The following NUMBL variants were observed in gnomAD, a reference collection of about 807,000 sequenced individuals.
NUMBL encodes numb-like protein.
NUMBL carries 20 observed loss-of-function variants against 48.9 expected under a neutral mutation model. The ratio of observed to expected loss-of-function variants is 0.41; its 90% CI spans 0.29 to 0.59. The LOEUF is 0.59. Among genes scored for constraint, NUMBL ranks in the 20% least tolerant of loss-of-function variants. NUMBL has a pLI of 0.31. For missense variants in NUMBL, 660 were observed against 846.2 expected (o/e 0.78, Z 2.73); for synonymous variants, 340 against 348.7 (o/e 0.98, Z 0.28).
rs761694373 is a variant in NUMBL, at chr19:40,684,401, TGCCGCGCCCA to T, written c.249+6_249+15del. On this transcript the variant is annotated splice_donor_region_variant and intron_variant, in intron 3 of 9. Transcript: ENST00000252891. ...CCGTCCCCCTCGCCCCGCCGCACCCTGCCGCGCCCACTCACCCTGACCGGGAAGCTGCACG... is the reference window on the plus strand; with the variant it reads ...CCGTCCCCCTCGCCCCGCCGCACCCTCTCACCCTGACCGGGAAGCTGCACG... The T allele has an allele frequency of 6.5e-7, 1 of 1,548,552 alleles. No homozygotes were observed.
rs374100923 is a variant in NUMBL, at chr19:40,673,315, C to T, written c.1036+29G>A. ...ATCAGATAGTGCCAATTGATTCCAA[C>T]GCCGTTTCCCACTGGGCCCAGGGCT... On this transcript the variant is annotated intron_variant, in intron 8 of 9. Coordinates refer to ENST00000252891, the MANE Select transcript of NUMBL (RefSeq NM_004756.5). The surrounding 1 kb of genome is among the most constrained non-coding windows in gnomAD (Gnocchi z 5.9). 73 of 1,574,224 alleles carry T rather than the reference C, an allele frequency of 4.6e-5. 1 individual carries two copies. Among genetic ancestry groups the T allele is most frequent in the African/African-American group, 3.9e-4 (29 of 73,832 alleles).
chr19:40,677,749 G>C (rs1374210353), intron 6 of NUMBL, among the ~76,000 whole-genome samples: 1 of 152,156 alleles, frequency 6.6e-6, no homozygotes, highest in African/African-American at 2.4e-5. Flanking sequence ...TTGGGAGGCT[G>C]AGGCGGGAGG....
rs1239339290 is a variant in NUMBL, at chr19:40,687,751, C to T, written c.25-756G>A. 6.6e-6 allele frequency among the ~76,000 whole-genome samples: 1 copy of T among 152,220 alleles called. No homozygotes were observed. Among genetic ancestry groups the T allele is most frequent in the East Asian group, 1.9e-4 (1 of 5,202 alleles). On this transcript the variant is annotated intron_variant, in intron 1 of 9. Transcript: ENST00000252891. The surrounding 1 kb of genome is among the most constrained non-coding windows in gnomAD (Gnocchi z 4.6). ...GAGTTCACCCATTTGCTGACCCAGT[C>T]CCACACGACACAATCGCAGCTATAT...
rs1349056670 is a variant in NUMBL at position 40,677,336 on chromosome 19, G to A, written c.626C>T (p.Thr209Met). 2 of 1,612,136 alleles carry A rather than the reference G, an allele frequency of 1.2e-6. No homozygotes were observed. Among genetic ancestry groups the A allele is most frequent in the Non-Finnish European group, 1.7e-6 (2 of 1,179,910 alleles). The part of the protein sequence containing the change: ...KQRREKECGV[T>M]AAFDASRTSF... ...GGTGCGGCTGGCATCGAAGGCGGCC[G>A]TGACCCCACATTCCTTCTCCCGTCG... is the stretch of plus-strand genomic sequence containing the variant. The change falls in exon 7 of 10, where the codon ACG (threonine) becomes ATG (methionine). Residue 209 changes from threonine to methionine, a missense_variant. By Grantham distance (81) the Thr-to-Met change is moderately conservative. This residue lies in a region of NUMBL where 278 missense variants were observed against 420.6 expected (regional missense o/e 0.66). Coordinates refer to ENST00000252891, the MANE Select transcript of NUMBL (RefSeq NM_004756.5).
At chr19:40,680,678 A>G (rs1163130590) in intron 6 of NUMBL, among the ~76,000 whole-genome samples, 5 of 152,212 alleles carry the variant, frequency 3.3e-5, no homozygotes, top group South Asian at 2.1e-4. Context: ...TGAACTCCTG[A>G]GCTCAGGCAA....
chr19:40,668,177 G>A lies in NUMBL; in HGVS notation c.1160-39C>T, dbSNP rs1046084481. The A allele has an allele frequency of 5.2e-6, 8 of 1,537,132 alleles. No homozygotes were observed. In the African/African-American group the frequency reaches 8.2e-5, roughly 16 times the overall value. The stretch of plus-strand genomic sequence containing the variant: ...AGGGACAGGTGAGGGAGGGGGCAAC[G>A]GCTTCAGCAGAAGAACCCCAGGCTG... On this transcript the variant is annotated intron_variant, in intron 9 of 9. Transcript: ENST00000252891.
Position 40,690,475 on chromosome 19 carries a change from G to A in NUMBL, c.9C>T (p.Arg3=). MS[R]SAAASGGPRR... is the part of the protein sequence containing the mutation. ...CCCTTCTCACGCTGGCCGCCGCGCT[G>A]CGGGACATCCAGGGCCCGGGCGCCC... The change falls in exon 1 of 10, where the codon CGC becomes CGT. Residue 3 remains arginine, a synonymous_variant. Coordinates refer to ENST00000252891, the MANE Select transcript of NUMBL (RefSeq NM_004756.5). 1 of 1,307,848 alleles carries A rather than the reference G, an allele frequency of 7.6e-7. No homozygotes were observed. Among genetic ancestry groups the A allele is most frequent in the Non-Finnish European group, 9.8e-7 (1 of 1,025,042 alleles). 81.0% of individuals were successfully genotyped at this position (1,307,848 alleles called of 1,614,324 possible).
Position 40,690,640 on chromosome 19 carries a change from C to A in NUMBL, c.-157G>T. 2.6e-6 allele frequency: 1 copy of A among 378,648 alleles called. No homozygotes were observed. 23.5% of individuals were successfully genotyped at this position (378,648 alleles called of 1,614,324 possible). A position where few individuals can be genotyped will look rare whatever the true frequency, so the allele number is the denominator to read the frequency against. ...TGCACGCGCGCGAGCCTCCTCGGCT[C>A]CCGGGAGGATTCCGTTCCGGGGGCG... On this transcript the variant is annotated 5_prime_UTR_variant, in exon 1 of 10. Transcript: ENST00000252891.
intron 2 of NUMBL, 33 bp from the exon 3 acceptor site, chr19:40,684,589 G>C (rs148629984): frequency 7.0e-6 from 11 of 1,577,320 alleles, no homozygotes; most frequent in Non-Finnish European, 8.6e-6. Flanking sequence ...TGGGTCAAGG[G>C]TGGGGGTCAG....
At chr19:40,685,607 T>G (rs1236481628) in intron 2 of NUMBL, 1 of 153,838 alleles carries the variant, frequency 6.5e-6, no homozygotes, top group East Asian at 1.9e-4. Flanking sequence ...AGAGTGCCGT[T>G]GTTGTCTATG....
rs142112217 is a variant in NUMBL, at chr19:40,672,601, C to G, written c.1036+743G>C. 6.4e-3 allele frequency among the ~76,000 whole-genome samples: 968 copies of G among 152,310 alleles called. 10 individuals carry two copies. Among genetic ancestry groups the G allele is most frequent in the African/African-American group, 0.02 (816 of 41,558 alleles). ...TACTGACCAAATTCTGGGAGTCTCC[C>G]CTTTGGGTAAAAACATAACACTCTT... is the stretch of plus-strand genomic sequence containing the variant. On this transcript the variant is annotated intron_variant, in intron 8 of 9. Coordinates refer to ENST00000252891, the MANE Select transcript of NUMBL (RefSeq NM_004756.5).
chr19:40,668,252 C>T (rs2081827476), intron 9 of NUMBL, 114 bp from the exon 10 acceptor site: 1 of 1,445,336 alleles, frequency 6.9e-7, no homozygotes, highest in Non-Finnish European at 9.1e-7. Flanking sequence ...AGCCAGACCG[C>T]CTGCCTCTGA....
At chr19:40,680,167 T>C (rs1417227179) in intron 6 of NUMBL, among the ~76,000 whole-genome samples, 1 of 151,366 alleles carries the variant, frequency 6.6e-6, no homozygotes, top group Non-Finnish European at 1.5e-5. Flanking sequence ...AGTCTCGCTC[T>C]GTCACCCAGG....
intron 7 of NUMBL, among the ~76,000 whole-genome samples, chr19:40,676,572 G>A (rs1478917197): frequency 6.6e-6 from 1 of 150,964 alleles, no homozygotes; most frequent in Non-Finnish European, 1.5e-5. Flanking sequence ...AGCCATGCCT[G>A]TAATCCTAAC....
rs1215222064 is a variant in NUMBL, at chr19:40,687,770, G to A, written c.25-775C>T. On this transcript the variant is annotated intron_variant, in intron 1 of 9. Coordinates refer to ENST00000252891, the MANE Select transcript of NUMBL (RefSeq NM_004756.5). This position sits in a 1 kb window ranked among gnomAD's most constrained non-coding sequence, Gnocchi z 4.6. ...CCCAGTCCCACACGACACAATCGCA[G>A]CTATATACACTTGTTACACGTATCT... Among the ~76,000 whole-genome samples the A allele has an allele frequency of 6.6e-6, 1 of 152,134 alleles. No homozygotes were observed. Among genetic ancestry groups the A allele is most frequent in the Non-Finnish European group, 1.5e-5 (1 of 68,026 alleles).
chr19:40,690,464 G>A lies in NUMBL; in HGVS notation c.20C>T (p.Ala7Val). 7.7e-7 allele frequency: 1 copy of A among 1,304,334 alleles called. No homozygotes were observed. The highest frequency in any genetic ancestry group is 9.8e-7 in the Non-Finnish European group (1 of 1,022,814). The allele number at this position is 1,304,334 out of a possible 1,614,324, so 80.8% of individuals were successfully genotyped here. A position where few individuals can be genotyped will look rare whatever the true frequency, so the allele number is the denominator to read the frequency against. Reference sequence around the variant, plus strand: ...CCCCTCTCCCGCCCTTCTCACGCTGGCCGCCGCGCTGCGGGACATCCAGGG... The same window carrying A: ...CCCCTCTCCCGCCCTTCTCACGCTGACCGCCGCGCTGCGGGACATCCAGGG... MSRSAAASGGPRRPERH... is the reference protein window; with the variant it reads MSRSAAVSGGPRRPERH... The change falls in exon 1 of 10, where the codon GCC (alanine) becomes GTC (valine). Residue 7 changes from alanine to valine, a missense_variant. This residue lies in a region of NUMBL where 86 missense variants were observed against 85.9 expected (regional missense o/e 1.00). Transcript: ENST00000252891.
At chr19:40,668,885 G>A (rs1043026618) in intron 9 of NUMBL, among the ~76,000 whole-genome samples, 1 of 152,168 alleles carries the variant, frequency 6.6e-6, no homozygotes, top group African/African-American at 2.4e-5. Flanking sequence ...AACATAGTAA[G>A]GTTTGACAGT....
rs2081857101 is a variant in NUMBL at position 40,673,232 on chromosome 19, T to C, written c.1036+112A>G. 14 of 1,135,678 alleles carry C rather than the reference T, an allele frequency of 1.2e-5. No homozygotes were observed. The highest frequency in any genetic ancestry group is 1.7e-5 in the Non-Finnish European group (14 of 818,040). The allele number at this position is 1,135,678 out of a possible 1,614,324, so 70.4% of individuals were successfully genotyped here. A position where few individuals can be genotyped will look rare whatever the true frequency, so the allele number is the denominator to read the frequency against. ...GTTCCCACTCTCTCTCCTTTGCCCA[T>C]GGCAGACAGTGCAAATCAATCACAG... On this transcript the variant is annotated intron_variant, in intron 8 of 9. Transcript: ENST00000252891. The surrounding 1 kb of genome is among the most constrained non-coding windows in gnomAD (Gnocchi z 5.9).
intron 1 of NUMBL, chr19:40,690,230 A>T (rs1444840366): frequency 2.7e-6 from 1 of 363,686 alleles, no homozygotes; most frequent in Non-Finnish European, 4.9e-6. Flanking sequence ...GTCTGTGTCC[A>T]GGATCCCTAT....
Sources: allele counts gnomAD v4.1 joint callset (sites outside exome capture counted in the v4.1 genomes callset), GRCh38; gene constraint gnomAD v4.1.1; regional missense constraint gnomAD v4.1.1; non-coding constraint Gnocchi (gnomAD v3.1); transcripts MANE v1.5; gene names NCBI Gene and HGNC (gene_info 2026-07-23, HGNC 2026-07-21).